The following FBXO42 variants were observed in gnomAD, a reference collection of about 807,000 sequenced individuals.
FBXO42 encodes the protein F-box protein 42.
A neutral mutation model predicts 71.7 loss-of-function variants in FBXO42; 12 were observed. The observed-to-expected ratio is 0.17, with a 90% CI of 0.11 to 0.27. The LOEUF is 0.27. FBXO42 is among the 10% of genes least tolerant of loss of function. FBXO42 has a pLI of 1.00. For synonymous variants in FBXO42, 325 were observed against 327.5 expected (o/e 0.99, Z 0.08); for missense variants, 707 against 911.9 (o/e 0.78, Z 2.89).
chr1:16,281,051 C>G (rs2081958508), intron 4 of FBXO42, among the ~76,000 whole-genome samples: 1 of 152,138 alleles, frequency 6.6e-6, no homozygotes, highest in Admixed American at 6.6e-5. Flanking sequence ...CAACCTCTGC[C>G]TCCCAGATTC....
chr1:16,255,299 T>G (rs1437883887), intron 6 of FBXO42, among the ~76,000 whole-genome samples: 2 of 152,106 alleles, frequency 1.3e-5, no homozygotes, highest in Admixed American at 1.3e-4. Context: ...CTAATTGGAT[T>G]AATTAGAGCC....
At chr1:16,322,302 G>T (rs921413590) in intron 1 of FBXO42, among the ~76,000 whole-genome samples, 7 of 152,172 alleles carry the variant, frequency 4.6e-5, no homozygotes, top group African/African-American at 1.7e-4. Flanking sequence ...ACTAGGCCAG[G>T]CGTGATGGCT....
chr1:16,347,051 A>C (rs945925975), intron 1 of FBXO42, among the ~76,000 whole-genome samples: 1 of 152,000 alleles, frequency 6.6e-6, no homozygotes, highest in African/African-American at 2.4e-5. Context: ...GGCCTGTCAG[A>C]ATAGTACAAT....
intron 3 of FBXO42, among the ~76,000 whole-genome samples, chr1:16,301,802 A>G (rs1329331029): frequency 2.0e-5 from 3 of 152,070 alleles, no homozygotes; most frequent in African/African-American, 7.2e-5. Flanking sequence ...ACAGCTTAAA[A>G]TATATACATA....
chr1:16,287,732 G>A (rs769188288), intron 4 of FBXO42, among the ~76,000 whole-genome samples: 3 of 152,156 alleles, frequency 2.0e-5, no homozygotes, highest in Non-Finnish European at 4.4e-5. Flanking sequence ...TTACAGGTGT[G>A]AGCCACTGTG....
rs1253744207 is a variant in FBXO42 at position 16,250,544 on chromosome 1, C to T, written c.*126G>A. ...ATTTGATCCCAGCCTGGAGTGACTT[C>T]GGTTGGGAATTAAAGAGTTTTGGCT... On this transcript the variant is annotated 3_prime_UTR_variant, in exon 10 of 10. Transcript: ENST00000375592. This position sits in a 1 kb window ranked among gnomAD's most constrained non-coding sequence, Gnocchi z 4.7. 1.0e-5 allele frequency: 10 copies of T among 978,678 alleles called. No homozygotes were observed. The East Asian group carries it at 1.0e-4, about 10-fold the overall frequency. 60.6% of individuals were successfully genotyped at this position (978,678 alleles called of 1,614,324 possible).
intron 4 of FBXO42, among the ~76,000 whole-genome samples, chr1:16,282,874 AG>A: frequency 6.6e-6 from 1 of 152,000 alleles, no homozygotes; most frequent in Middle Eastern, 3.4e-3. Flanking sequence ...CCAGCTACTC[AG>A]GAAGCTGAGG....
At chr1:16,327,977 G>A (rs541912439) in intron 1 of FBXO42, among the ~76,000 whole-genome samples, 3 of 152,142 alleles carry the variant, frequency 2.0e-5, no homozygotes, top group African/African-American at 4.8e-5. Flanking sequence ...CTGGGATTAC[G>A]TGTGTGACCC....
At chr1:16,258,444 C>T (rs1017991673) in intron 4 of FBXO42, among the ~76,000 whole-genome samples, 69 of 151,686 alleles carry the variant, frequency 4.5e-4, no homozygotes, top group African/African-American at 1.5e-3. Context: ...GCAGCCTCAA[C>T]CTCCTGGGCT....
At chr1:16,281,343 G>T (rs1279997244) in intron 4 of FBXO42, among the ~76,000 whole-genome samples, 1 of 152,178 alleles carries the variant, frequency 6.6e-6, no homozygotes, top group Non-Finnish European at 1.5e-5. Flanking sequence ...TATGCATAAA[G>T]AATCTGGGCG....
intron 1 of FBXO42, among the ~76,000 whole-genome samples, chr1:16,324,760 G>A (rs1162066907): frequency 1.3e-5 from 2 of 151,978 alleles, no homozygotes; most frequent in Non-Finnish European, 2.9e-5. Context: ...ATGCTGCAGT[G>A]AGCCAAGATC....
In FBXO42 at chr1:16,251,677, C is replaced by A. The variant is rs1320903607; in HGVS notation, c.1147G>T (p.Val383Phe). 1 of 1,614,066 alleles carries A rather than the reference C, an allele frequency of 6.2e-7. No individual in the cohort carries two copies. The highest frequency in any genetic ancestry group is 1.3e-5 in the African/African-American group (1 of 74,918). The change falls in exon 10 of 10, where the codon GTT becomes TTT. Residue 383 changes from valine to phenylalanine, a missense_variant. By Grantham distance (50) the Val-to-Phe change is conservative (BLOSUM62 -1). This residue lies in a region of FBXO42 where 482 missense variants were observed against 587.1 expected (regional missense o/e 0.82). Transcript: ENST00000375592. The surrounding 1 kb of genome is among the most constrained non-coding windows in gnomAD (Gnocchi z 4.5). The stretch of plus-strand genomic sequence containing the variant: ...GAGCGGTACTCTCGGGTTTCAGGAA[C>A]GAGAGCTGGAGGAGTGGCACTGATA... Reference protein sequence around the residue: ...SPISATPPALVPETREYRSQS... With the variant: ...SPISATPPALFPETREYRSQS...
chr1:16,340,802 T>C (rs977580539), intron 1 of FBXO42, among the ~76,000 whole-genome samples: 2 of 152,210 alleles, frequency 1.3e-5, no homozygotes, highest in South Asian at 2.1e-4. Flanking sequence ...GTAGATATTA[T>C]AGAACAACTG....
chr1:16,347,718 A>G (rs575888721), intron 1 of FBXO42, among the ~76,000 whole-genome samples: 1 of 151,696 alleles, frequency 6.6e-6, no homozygotes, highest in African/African-American at 2.4e-5. Flanking sequence ...AGGCAGGCAC[A>G]GTGGCTCACG....
At chr1:16,319,189 T>A (rs1221176889) in intron 1 of FBXO42, among the ~76,000 whole-genome samples, 1 of 152,114 alleles carries the variant, frequency 6.6e-6, no homozygotes, top group African/African-American at 2.4e-5. Flanking sequence ...AATCTCGAAA[T>A]ATACTTTGGG....
At chr1:16,262,856 C>T (rs1569821837) in intron 4 of FBXO42, among the ~76,000 whole-genome samples, 1 of 151,972 alleles carries the variant, frequency 6.6e-6, no homozygotes, top group Admixed American at 6.6e-5. Context: ...ACTACAGGCA[C>T]GTGCCACCAC....
intron 1 of FBXO42, among the ~76,000 whole-genome samples, chr1:16,316,379 CA>C (rs1399224865): frequency 6.6e-6 from 1 of 151,828 alleles, no homozygotes; most frequent in African/African-American, 2.4e-5. Context: ...ACTTTAGAAA[CA>C]AAAGACATCA....
intron 3 of FBXO42, 70 bp from the exon 4 acceptor site, chr1:16,294,987 A>G: frequency 1.4e-6 from 2 of 1,480,190 alleles, no homozygotes; most frequent in Non-Finnish European, 1.8e-6. Flanking sequence ...ACCATAACAT[A>G]TATTTTTCAA....
At chr1:16,305,653 G>A (rs557447940) in intron 3 of FBXO42, 150 bp downstream of exon 3, 61 of 670,180 alleles carry the variant, frequency 9.1e-5, no homozygotes, top group South Asian at 8.8e-4. Flanking sequence ...GGTGGAGGCT[G>A]TAGTAAGCTG....
Sources: gnomAD v4.1 joint callset for allele counts (sites outside exome capture counted in the v4.1 genomes callset) on GRCh38, gnomAD v4.1.1 for gene constraint, gnomAD v4.1.1 regional missense constraint, Gnocchi (gnomAD v3.1) non-coding constraint, MANE v1.5 for transcripts, NCBI Gene and HGNC (gene_info 2026-07-23, HGNC 2026-07-21) for gene names.